The following GRK3 variants were observed in gnomAD, a reference collection of about 807,000 sequenced individuals.
GRK3 encodes adrenergic, beta, receptor kinase 2.
GRK3 carries 54 observed loss-of-function variants against 95.7 expected under a neutral mutation model. The ratio of observed to expected loss-of-function variants is 0.56; its 90% CI spans 0.45 to 0.71. GRK3 has a LOEUF of 0.71. GRK3 is among the 30% of genes least tolerant of loss of function. The probability of loss-of-function intolerance (pLI) is 0.00; values close to 1 mark genes in which losing one functional copy is unlikely to be tolerated. For synonymous variants in GRK3, 281 were observed against 290.8 expected (o/e 0.97, Z 0.34); for missense variants, 649 against 851.2 (o/e 0.76, Z 2.96).
intron 1 of GRK3, among the ~76,000 whole-genome samples, chr22:25,569,359 G>A (rs982490657): frequency 2.6e-5 from 4 of 152,350 alleles, no homozygotes; most frequent in Non-Finnish European, 4.4e-5. Context: ...CAAGGAGTGC[G>A]TGTAGATGTC....
At chr22:25,616,971 G>C (rs1041617732) in intron 2 of GRK3, among the ~76,000 whole-genome samples, 23 of 152,034 alleles carry the variant, frequency 1.5e-4, no homozygotes, top group African/African-American at 3.1e-4. Context: ...TTTGTCCTGA[G>C]GCTGATAGCT....
Position 25,728,187 on chromosome 22 carries a change from C to T in GRK3, c.*5737C>T, listed in dbSNP as rs1481100701. ...ATGCACCTAGTAATGTGGCCGACAT[C>T]TCTTCTCACCACCATGGACTGTTTT... On this transcript the variant is annotated 3_prime_UTR_variant, in exon 21 of 21. Coordinates refer to ENST00000324198, the MANE Select transcript of GRK3 (RefSeq NM_005160.4). 1.3e-5 allele frequency: 2 copies of T among 152,344 alleles called. No individual in the cohort carries two copies. Among genetic ancestry groups the T allele is most frequent in the East Asian group, 3.9e-4 (2 of 5,190 alleles). 9.4% of individuals were successfully genotyped at this position (152,344 alleles called of 1,614,324 possible).
At chr22:25,687,460 T>G in intron 10 of GRK3, 77 bp from the exon 11 acceptor site, 3 of 1,521,360 alleles carry the variant, frequency 2.0e-6, no homozygotes, top group East Asian at 2.3e-5. Flanking sequence ...TGCTGAGTCC[T>G]GACTATTTAG....
At chr22:25,699,864 A>G (rs2085243844) in intron 13 of GRK3, among the ~76,000 whole-genome samples, 1 of 151,878 alleles carries the variant, frequency 6.6e-6, no homozygotes, top group Non-Finnish European at 1.5e-5. Context: ...ACGCCCAGCT[A>G]ATTTTTTGTA....
chr22:25,715,590 A>C (rs2085377765), intron 18 of GRK3, among the ~76,000 whole-genome samples: 1 of 152,226 alleles, frequency 6.6e-6, no homozygotes, highest in African/African-American at 2.4e-5. Context: ...AGGAAACATA[A>C]GTTTTAAATA....
At chr22:25,576,896 GC>G (rs1313733705) in intron 1 of GRK3, among the ~76,000 whole-genome samples, 1 of 152,098 alleles carries the variant, frequency 6.6e-6, no homozygotes, top group Non-Finnish European at 1.5e-5. Flanking sequence ...AATTTCACTG[GC>G]CATGTTAACT....
At chr22:25,648,109 C>T (rs2084799843) in intron 3 of GRK3, 2 of 584,932 alleles carry the variant, frequency 3.4e-6, no homozygotes, top group Non-Finnish European at 3.0e-6. Context: ...AGAGCAAAAA[C>T]TCCGTCTAAA....
In GRK3 at chr22:25,662,183, A is replaced by G. The variant is rs995234291; in HGVS notation, c.366+506A>G. On this transcript the variant is annotated intron_variant, in intron 4 of 20. Transcript: ENST00000324198. ...ACAATCTAACTTGGTCATTAGGATA[A>G]ACTAGGTTATTAGGAAATTATTCTA... 3.4e-4 allele frequency among the ~76,000 whole-genome samples: 51 copies of G among 152,182 alleles called. 1 individual carries two copies. The highest frequency in any genetic ancestry group is 3.2e-3 in the Admixed American group (49 of 15,280).
At chr22:25,658,371 T>C (rs1366055507) in intron 3 of GRK3, among the ~76,000 whole-genome samples, 1 of 152,244 alleles carries the variant, frequency 6.6e-6, no homozygotes, top group Non-Finnish European at 1.5e-5. Context: ...TTACTCAAAC[T>C]CTGAGCCCTG....
chr22:25,576,041 C>T (rs1160757971), intron 1 of GRK3, among the ~76,000 whole-genome samples: 4 of 152,198 alleles, frequency 2.6e-5, no homozygotes, highest in Non-Finnish European at 4.4e-5. Flanking sequence ...GTGAGAGCCT[C>T]CCCCTCCCAA....
chr22:25,709,943 G>A lies in GRK3; in HGVS notation c.1374G>A (p.Trp458Ter), dbSNP rs751028149. Reference protein sequence around the residue: ...KEHSFFKGVDWQHVYLQKYPP... With the variant: ...KEHSFFKGVD ...ACAGCTTTTTCAAAGGTGTTGACTGGCAGCATGTCTACTTACAAAAGGTAC... is the reference window on the plus strand; with the variant it reads ...ACAGCTTTTTCAAAGGTGTTGACTGACAGCATGTCTACTTACAAAAGGTAC... The change falls in exon 16 of 21, where the codon TGG becomes TGA. Residue 458 changes from tryptophan (W) to a stop codon, truncating the protein, a stop_gained. Coordinates refer to ENST00000324198, the MANE Select transcript of GRK3 (RefSeq NM_005160.4). LOFTEE classifies it high-confidence loss of function. 1 of 1,613,764 alleles carries A rather than the reference G, an allele frequency of 6.2e-7. No homozygotes were observed. Among genetic ancestry groups the A allele is most frequent in the South Asian group, 1.1e-5 (1 of 91,064 alleles).
intron 1 of GRK3, among the ~76,000 whole-genome samples, chr22:25,587,571 G>A (rs1380358418): frequency 6.6e-6 from 1 of 152,138 alleles, no homozygotes; most frequent in Non-Finnish European, 1.5e-5. Flanking sequence ...TGGGACCACA[G>A]ACACGTACCA....
chr22:25,617,368 A>G (rs894538388), intron 2 of GRK3, among the ~76,000 whole-genome samples: 1 of 152,150 alleles, frequency 6.6e-6, no homozygotes, highest in African/African-American at 2.4e-5. Context: ...GGGAATAGTG[A>G]TTTTGGCCCT....
intron 6 of GRK3, among the ~76,000 whole-genome samples, chr22:25,669,406 G>A (rs149286799): frequency 1.6e-4 from 24 of 152,298 alleles, no homozygotes; most frequent in Non-Finnish European, 2.6e-4. Context: ...TTCAGGCAGT[G>A]AACTTCAGTT....
rs1300961752 is a variant in GRK3 at position 25,726,414 on chromosome 22, T to TAA, written c.*3965_*3966dup. 1 of 152,234 alleles carries TAA rather than the reference T, an allele frequency of 6.6e-6. No individual in the cohort carries two copies. Among genetic ancestry groups the TAA allele is most frequent in the Non-Finnish European group, 1.5e-5 (1 of 68,030 alleles). 9.4% of individuals were successfully genotyped at this position (152,234 alleles called of 1,614,324 possible). ...AAGATAAGAGTTATCTTGTATGATT[T>TAA]AATCATATGCAGTGTTGTCTCAGTT... On this transcript the variant is annotated 3_prime_UTR_variant, in exon 21 of 21. Coordinates refer to ENST00000324198, the MANE Select transcript of GRK3 (RefSeq NM_005160.4).
intron 2 of GRK3, among the ~76,000 whole-genome samples, chr22:25,605,035 A>T (rs1378117752): frequency 6.6e-6 from 1 of 152,250 alleles, no homozygotes. Flanking sequence ...TTACTCCGAT[A>T]ATAAAATATT....
intron 9 of GRK3, among the ~76,000 whole-genome samples, chr22:25,683,500 A>G (rs1158243372): frequency 6.6e-6 from 1 of 152,264 alleles, no homozygotes; most frequent in Non-Finnish European, 1.5e-5. Flanking sequence ...TCCAGTGGCC[A>G]TATATGAAAG....
chr22:25,566,639 G>A (rs1261618343), intron 1 of GRK3, among the ~76,000 whole-genome samples: 1 of 152,098 alleles, frequency 6.6e-6, no homozygotes, highest in Non-Finnish European at 1.5e-5. Flanking sequence ...ATTCCAGAGT[G>A]TAGCATATCT....
intron 12 of GRK3, among the ~76,000 whole-genome samples, chr22:25,692,229 A>G (rs2085170785): frequency 6.6e-6 from 1 of 152,130 alleles, no homozygotes; most frequent in African/African-American, 2.4e-5. Flanking sequence ...TGGCCTCCCA[A>G]AGTGCTGGGA....
Sources: allele counts gnomAD v4.1 joint callset (sites outside exome capture counted in the v4.1 genomes callset), GRCh38; gene constraint gnomAD v4.1.1; transcripts MANE v1.5; gene names NCBI Gene and HGNC (gene_info 2026-07-23, HGNC 2026-07-21).